Variants in CYGB observed in about 807,000 individuals in gnomAD.
CYGB encodes cytoglobin, also known as histoglobin.
Under a neutral mutation model 20.7 loss-of-function variants are expected in CYGB, and 13 were observed. The ratio of observed to expected loss-of-function variants is 0.63; its 90% CI spans 0.41 to 1.00. The LOEUF (loss-of-function observed/expected upper bound fraction) is 1.00. CYGB is among the 50% of genes least tolerant of loss of function. The pLI is 0.00. For synonymous variants in CYGB, 93 were observed against 107.4 expected (o/e 0.87, Z 0.83); for missense variants, 218 against 257.2 (o/e 0.85, Z 1.04).
chr17:76,529,041 T>TGGGGGG, intron 3 of CYGB: 2 of 834,206 alleles, frequency 2.4e-6, no homozygotes, highest in Non-Finnish European at 2.7e-6. Context: ...CTGCAGTCAT[T>TGGGGGG]GCGCCCCCCC....
chr17:76,537,283 G>A (rs1341296248), intron 1 of CYGB, 117 bp downstream of exon 1: 6 of 1,200,508 alleles, frequency 5.0e-6, no homozygotes, highest in Non-Finnish European at 6.5e-6. Flanking sequence ...CCTCGGACCG[G>A]CCCCATTCGC....
intron 1 of CYGB, chr17:76,544,561 C>G: frequency 2.2e-6 from 1 of 456,662 alleles, no homozygotes; most frequent in South Asian, 1.5e-5. Flanking sequence ...AGGGAAGGAG[C>G]CTGCAGAGGC....
At chr17:76,542,497 GA>G, upstream of CYGB, 3 of 1,609,788 alleles carry the variant, frequency 1.9e-6, no homozygotes, top group South Asian at 3.3e-5. Flanking sequence ...AGGAGAGTCA[GA>G]AACATGGGAA....
chr17:76,527,822 C>T lies in CYGB; in HGVS notation c.*756G>A, dbSNP rs1227477493. On this transcript the variant is annotated 3_prime_UTR_variant, in exon 4 of 4. Transcript: ENST00000293230. ...GAACTTCGCTCTGCCCCTGCCCATTCTAGGACAGCCGGTGAGTCAGTTCCT... is the reference window on the plus strand; with the variant it reads ...GAACTTCGCTCTGCCCCTGCCCATTTTAGGACAGCCGGTGAGTCAGTTCCT... 4 of 453,646 alleles carry T rather than the reference C, an allele frequency of 8.8e-6. No individual in the cohort carries two copies. The highest frequency in any genetic ancestry group is 7.1e-5 in the Admixed American group (3 of 42,546). 28.1% of individuals were successfully genotyped at this position (453,646 alleles called of 1,614,324 possible).
At chr17:76,542,916 A>G in intron 1 of CYGB, 1 of 575,200 alleles carries the variant, frequency 1.7e-6, no homozygotes, top group South Asian at 1.5e-5. Flanking sequence ...GCATGAGGGC[A>G]GTGTCGGAGG....
Position 76,527,552 on chromosome 17 carries a change from C to CG in CYGB, c.*1025dup, listed in dbSNP as rs138865901. 11 of 443,996 alleles carry CG rather than the reference C, an allele frequency of 2.5e-5. No individual in the cohort carries two copies. Among genetic ancestry groups the CG allele is most frequent in the Middle Eastern group, 1.4e-3 (2 of 1,406 alleles). 27.5% of individuals were successfully genotyped at this position (443,996 alleles called of 1,614,324 possible). A position where few individuals can be genotyped will look rare whatever the true frequency, so the allele number is the denominator to read the frequency against. On this transcript the variant is annotated 3_prime_UTR_variant, in exon 4 of 4. Coordinates refer to ENST00000293230, the MANE Select transcript of CYGB (RefSeq NM_134268.5). ...GACACACGTGACCAAGGGGCACACA[C>CG]GGGGGGCCCCCCTGGCAAGCCTGAC...
upstream of CYGB, among the ~76,000 whole-genome samples, chr17:76,539,402 C>A (rs1399004637): frequency 6.6e-6 from 1 of 152,202 alleles, no homozygotes; most frequent in Non-Finnish European, 1.5e-5. Flanking sequence ...TAAGTGGCTG[C>A]ACCTGTCTAT....
intron 1 of CYGB, among the ~76,000 whole-genome samples, chr17:76,547,864 TATAC>T (rs1443158491): frequency 6.8e-6 from 1 of 146,320 alleles, no homozygotes; most frequent in Non-Finnish European, 1.5e-5. Context: ...GACATACACA[TATAC>T]ATATTCACAC....
At chr17:76,542,523 A>G, upstream of CYGB, 2 of 1,614,120 alleles carry the variant, frequency 1.2e-6, no homozygotes, top group Non-Finnish European at 1.7e-6. Flanking sequence ...GTGCCCTTCA[A>G]TCCTGACCCC....
intron 1 of CYGB, among the ~76,000 whole-genome samples, chr17:76,543,611 C>G (rs145042171): frequency 6.6e-6 from 1 of 152,200 alleles, no homozygotes. Flanking sequence ...GCAGAGCCCA[C>G]GCTCCTACCC....
At chr17:76,534,146 T>TTCTCTCTCTCTCTCTCTCTCTCTCTCTC (rs71158013) in intron 1 of CYGB, among the ~76,000 whole-genome samples, 13 of 129,010 alleles carry the variant, frequency 1.0e-4, no homozygotes, top group South Asian at 2.8e-4. Context: ...CTCTTTCTCT[T>TTCTCTCTCTCTCTCTCTCTCTCTCTCTC]TCTCTCTCTC....
Position 76,535,977 on chromosome 17 carries a change from G to A in CYGB, c.143+1423C>T, listed in dbSNP as rs533906419. 1.8e-3 allele frequency among the ~76,000 whole-genome samples: 275 copies of A among 152,316 alleles called. 2 individuals are homozygous for A. Among genetic ancestry groups the A allele is most frequent in the African/African-American group, 5.9e-3 (244 of 41,566 alleles). On this transcript the variant is annotated intron_variant, in intron 1 of 3. Transcript: ENST00000293230. ...CGGTGGGCTGCAGGTGCTGACACAC[G>A]GCTGACGGCACCCTCCGAGGACGCA... is the stretch of plus-strand genomic sequence containing the variant.
At chr17:76,539,473 T>C (rs1267358833), upstream of CYGB, among the ~76,000 whole-genome samples, 1 of 152,218 alleles carries the variant, frequency 6.6e-6, no homozygotes, top group Non-Finnish European at 1.5e-5. Flanking sequence ...CAGAAAAGTT[T>C]GGAGAGGATT....
chr17:76,528,881 TA>T lies in CYGB; in HGVS notation c.540-271del. The T allele has an allele frequency of 8.2e-7, 1 of 1,215,836 alleles. No individual in the cohort carries two copies. Among genetic ancestry groups the T allele is most frequent in the Non-Finnish European group, 1.0e-6 (1 of 977,990 alleles). 75.3% of individuals were successfully genotyped at this position (1,215,836 alleles called of 1,614,324 possible). ...TGTCTGTCTTGTGACATAAACTGGG[TA>T]AAAAAGTGTTTCACAAACTGCAAAG... On this transcript the variant is annotated intron_variant, in intron 3 of 3. Coordinates refer to ENST00000293230, the MANE Select transcript of CYGB (RefSeq NM_134268.5). The surrounding 1 kb of genome is among the most constrained non-coding windows in gnomAD (Gnocchi z 5.8).
At position 76,537,370 on chromosome 17, in the gene CYGB, C is replaced by T. The variant is rs201388009; in HGVS notation, c.143+30G>A. 1,441 of 1,567,366 alleles carry T rather than the reference C, an allele frequency of 9.2e-4. 1 individual carries two copies. Among genetic ancestry groups the T allele is most frequent in the Admixed American group, 2.0e-3 (111 of 55,634 alleles). On this transcript the variant is annotated intron_variant, in intron 1 of 3. Coordinates refer to ENST00000293230, the MANE Select transcript of CYGB (RefSeq NM_134268.5). ...CGGAGCCGCTGCCGCCCTCCCTGCCCAGGGCCCGGCCGGGCCGGGCGACAC... is the reference window on the plus strand; with the variant it reads ...CGGAGCCGCTGCCGCCCTCCCTGCCTAGGGCCCGGCCGGGCCGGGCGACAC...
At chr17:76,529,876 G>A (rs1057297608) in intron 3 of CYGB, 28 of 985,154 alleles carry the variant, frequency 2.8e-5, no homozygotes, top group Non-Finnish European at 2.8e-5. Flanking sequence ...AGCAGTTCCC[G>A]AGGACTCCAC....
chr17:76,529,553 T>C (rs1232171870), intron 3 of CYGB: 1 of 985,012 alleles, frequency 1.0e-6, no homozygotes, highest in Non-Finnish European at 1.2e-6. Flanking sequence ...CTCTTGGCCC[T>C]TGTAAAAAAG....
rs748501602 is a variant in CYGB at position 76,531,495 on chromosome 17, C to T, written c.340G>A (p.Ala114Thr). The T allele has an allele frequency of 5.0e-6, 8 of 1,613,172 alleles. No homozygotes were observed. The highest frequency in any genetic ancestry group is 1.1e-5 in the South Asian group (1 of 91,080). The change falls in exon 2 of 4, where the codon GCC becomes ACC. Residue 114 changes from alanine (A) to threonine (T), a missense_variant. This residue lies in a region of CYGB where 66 missense variants were observed against 107.4 expected (regional missense o/e 0.61). Transcript: ENST00000293230. This position sits in a 1 kb window ranked among gnomAD's most constrained non-coding sequence, Gnocchi z 7.4. ...SVLALVGKAH[A>T]LKHKVEPVYF... The stretch of plus-strand genomic sequence containing the variant: ...ACCGGTTCCACCTTGTGCTTGAGGG[C>T]GTGGGCTTTCCCCACAAGGGCGAGC...
At position 76,533,579 on chromosome 17, in the gene CYGB, C is replaced by G. The variant is rs554361709; in HGVS notation, c.144-1888G>C. On this transcript the variant is annotated intron_variant, in intron 1 of 3. Transcript: ENST00000293230. The surrounding 1 kb of genome is among the most constrained non-coding windows in gnomAD (Gnocchi z 4.5). ...TCTCTACAAAATACAAAAAATTAGC[C>G]AGGTGTGGTGGCACACACCTTTGAT... 1.3e-5 allele frequency among the ~76,000 whole-genome samples: 2 copies of G among 151,810 alleles called. No individual in the cohort carries two copies. The highest frequency in any genetic ancestry group is 2.9e-5 in the Non-Finnish European group (2 of 67,954).
Sources: allele counts gnomAD v4.1 joint callset (sites outside exome capture counted in the v4.1 genomes callset), GRCh38; gene constraint gnomAD v4.1.1; regional missense constraint gnomAD v4.1.1; non-coding constraint Gnocchi (gnomAD v3.1); transcripts MANE v1.5; gene names NCBI Gene and HGNC (gene_info 2026-07-23, HGNC 2026-07-21).